The following TIAL1 variants were observed in gnomAD, a reference collection of about 807,000 sequenced individuals.
The protein encoded by TIAL1 is TIA1 cytotoxic granule associated RNA binding protein like 1, also known as nucleolysin TIAR.
A neutral mutation model predicts 59.7 loss-of-function variants in TIAL1; 7 were observed. That is an observed-to-expected ratio of 0.12 (90% CI 0.07 to 0.22). The LOEUF (loss-of-function observed/expected upper bound fraction) is 0.22, where lower values mean the gene tolerates loss of function less well. Among genes scored for constraint, TIAL1 ranks in the 10% least tolerant of loss-of-function variants. TIAL1 has a pLI of 1.00. For missense variants in TIAL1, 225 were observed against 462.5 expected (o/e 0.49, Z 4.71); for synonymous variants, 149 against 146.3 (o/e 1.02, Z -0.13).
intron 1 of TIAL1, among the ~76,000 whole-genome samples, chr10:119,590,036 G>A (rs1263376968): frequency 1.3e-5 from 2 of 152,292 alleles, no homozygotes; most frequent in East Asian, 3.9e-4. Context: ...AAAATAGACT[G>A]AGAAAGCTTA....
chr10:119,583,886 A>T (rs927580018), intron 2 of TIAL1, among the ~76,000 whole-genome samples: 14 of 152,254 alleles, frequency 9.2e-5, no homozygotes. Context: ...ATGAAAACAC[A>T]CATTTAAATT....
chr10:119,591,240 C>T (rs964056831), intron 1 of TIAL1, among the ~76,000 whole-genome samples: 1 of 151,914 alleles, frequency 6.6e-6, no homozygotes. Context: ...CCCGTCTCTA[C>T]TAAAAACACA....
chr10:119,590,819 A>AGAAG (rs1845844799), intron 1 of TIAL1, among the ~76,000 whole-genome samples: 3 of 150,858 alleles, frequency 2.0e-5, no homozygotes, highest in Non-Finnish European at 4.4e-5. Context: ...AAAGAAAGAA[A>AGAAG]GAAACGAACA....
chr10:119,592,761 T>TCACACACA (rs201563429), intron 1 of TIAL1, among the ~76,000 whole-genome samples: 5 of 111,588 alleles, frequency 4.5e-5, no homozygotes, highest in East Asian at 4.3e-4. Context: ...TATGAGATAT[T>TCACACACA]CTCACACACA....
chr10:119,592,084 T>A (rs1475637032), intron 1 of TIAL1: 1 of 152,214 alleles, frequency 6.6e-6, no homozygotes, highest in Admixed American at 6.5e-5. Context: ...ATAGTCAAGC[T>A]AAAGATCCAA....
intron 10 of TIAL1, 137 bp downstream of exon 10, chr10:119,576,943 A>G: frequency 7.4e-7 from 1 of 1,359,820 alleles, no homozygotes; most frequent in South Asian, 1.4e-5. Context: ...TTAATACCGC[A>G]AATAATCAAT....
At chr10:119,588,526 TAG>T (rs749000709) in intron 1 of TIAL1, among the ~76,000 whole-genome samples, 8 of 152,166 alleles carry the variant, frequency 5.3e-5, no homozygotes, top group Admixed American at 6.5e-5. Flanking sequence ...GTATTCTTAG[TAG>T]AGACAGGGTT....
intron 1 of TIAL1, 61 bp downstream of exon 1, chr10:119,596,373 C>A: frequency 6.3e-7 from 1 of 1,599,476 alleles, no homozygotes; most frequent in East Asian, 2.2e-5. Flanking sequence ...TGCTCCCTCC[C>A]TTAGCGTCCC....
chr10:119,592,045 C>T (rs1285571916), intron 1 of TIAL1: 1 of 152,196 alleles, frequency 6.6e-6, no homozygotes, highest in Non-Finnish European at 1.5e-5. Context: ...AGCTTCTACA[C>T]TTCACTTTCT....
chr10:119,592,475 G>T (rs538149458), intron 1 of TIAL1, among the ~76,000 whole-genome samples: 32 of 152,266 alleles, frequency 2.1e-4, no homozygotes, highest in South Asian at 4.1e-4. Flanking sequence ...GAAGACTAAT[G>T]ACACTTTTTC....
chr10:119,594,290 T>C (rs996281858), intron 1 of TIAL1, among the ~76,000 whole-genome samples: 3 of 152,062 alleles, frequency 2.0e-5, no homozygotes, highest in African/African-American at 7.2e-5. Context: ...GACAAAGAAG[T>C]TAGCTTATTA....
intron 1 of TIAL1, among the ~76,000 whole-genome samples, chr10:119,590,833 G>C (rs986927232): frequency 6.3e-5 from 9 of 142,906 alleles, no homozygotes; most frequent in Non-Finnish European, 1.3e-4. Context: ...ACGAACAAGT[G>C]ATCTTGAGCT....
intron 10 of TIAL1, 100 bp downstream of exon 10, chr10:119,576,980 C>T (rs949498686): frequency 4.1e-6 from 6 of 1,458,818 alleles, no homozygotes; most frequent in African/African-American, 2.8e-5. Flanking sequence ...CTGAAAGTAG[C>T]TATATGCTTT....
At position 119,575,387 on chromosome 10, in the gene TIAL1, A is replaced by G; in HGVS notation, c.*278T>C. On this transcript the variant is annotated 3_prime_UTR_variant, in exon 12 of 12. Transcript: ENST00000436547. ...TCAAAATGTATTAGCCATTTTTCCT[A>G]TTATATCAAAATTTGTAGTCAGAAT... The G allele has an allele frequency of 7.1e-6, 2 of 279,810 alleles. No homozygotes were observed. The highest frequency in any genetic ancestry group is 9.0e-5 in the South Asian group (2 of 22,172). The allele number at this position is 279,810 out of a possible 1,614,324, so 17.3% of individuals were successfully genotyped here. A position where few individuals can be genotyped will look rare whatever the true frequency, so the allele number is the denominator to read the frequency against.
In TIAL1 at chr10:119,585,122, CAAAAAAA is replaced by C. The variant is rs34500092; in HGVS notation, c.130-2572_130-2566del. Reference sequence around the variant, plus strand: ...TGGGCAAAAGAGCAAGATTCCATCTCAAAAAAAAAAAAAAAAAAAAAAAATCAATTAT... The same window carrying C: ...TGGGCAAAAGAGCAAGATTCCATCTCAAAAAAAAAAAAAAAAATCAATTAT... On this transcript the variant is annotated intron_variant, in intron 2 of 11. Coordinates refer to ENST00000436547, the MANE Select transcript of TIAL1 (RefSeq NM_003252.4). 9.8e-3 allele frequency among the ~76,000 whole-genome samples: 457 copies of C among 46,544 alleles called. 1 individual carries two copies. The highest frequency in any genetic ancestry group is 0.034 in the African/African-American group (428 of 12,448). The allele number at this position is 46,544 out of a possible 152,430, so 30.5% of individuals were successfully genotyped here. A position where few individuals can be genotyped will look rare whatever the true frequency, so the allele number is the denominator to read the frequency against.
In TIAL1 at chr10:119,582,785, GC is replaced by G. The variant is rs1405918634; in HGVS notation, c.130-229del. Reference sequence around the variant, plus strand: ...TATAAAAGCAGTTGTAGAATCATGAGCATCAGTATTAAATGAAAATAAAGAA... The same window carrying G: ...TATAAAAGCAGTTGTAGAATCATGAGATCAGTATTAAATGAAAATAAAGAA... On this transcript the variant is annotated intron_variant, in intron 2 of 11. Transcript: ENST00000436547. The surrounding 1 kb of genome is among the most constrained non-coding windows in gnomAD (Gnocchi z 5.1). Among the ~76,000 whole-genome samples, 1 of 152,074 alleles carries G rather than the reference GC, an allele frequency of 6.6e-6. No individual in the cohort carries two copies. The highest frequency in any genetic ancestry group is 2.4e-5 in the African/African-American group (1 of 41,438).
rs745572820 is a variant in TIAL1 at position 119,580,001 on chromosome 10, C to T, written c.381G>A (p.Arg127=). ...TTCCAGTTGCCATGTCTTTAACTAC[C>T]CGGGCATCCCTGTGAAAAGAAGCAC... The part of the protein sequence containing the change: ...FAPFGKISDA[R]VVKDMATGKS... The change falls in exon 6 of 12, where the codon CGG becomes CGA. Residue 127 remains arginine (R), a synonymous_variant. Transcript: ENST00000436547. 3 of 1,609,988 alleles carry T rather than the reference C, an allele frequency of 1.9e-6. No homozygotes were observed. Among genetic ancestry groups the T allele is most frequent in the Non-Finnish European group, 2.5e-6 (3 of 1,178,364 alleles).
At position 119,596,761 on chromosome 10, in the gene TIAL1, C is replaced by T; in HGVS notation, c.-296G>A. On this transcript the variant is annotated 5_prime_UTR_variant, in exon 1 of 12. Transcript: ENST00000436547. The stretch of plus-strand genomic sequence containing the variant: ...CGCTCAGGCCAGCCGCGACAGCCTG[C>T]AAGGGGGACGACCGAGGGGAGAGAA... 1 of 501,142 alleles carries T rather than the reference C, an allele frequency of 2.0e-6. No homozygotes were observed. The allele number at this position is 501,142 out of a possible 1,614,324, so 31.0% of individuals were successfully genotyped here.
intron 1 of TIAL1, among the ~76,000 whole-genome samples, chr10:119,595,836 G>A (rs910783863): frequency 6.6e-5 from 10 of 152,230 alleles, no homozygotes; most frequent in African/African-American, 2.4e-4. Context: ...TACTTCAAAA[G>A]TAGCGGGCGC....
Sources: allele counts gnomAD v4.1 joint callset (sites outside exome capture counted in the v4.1 genomes callset), GRCh38; gene constraint gnomAD v4.1.1; non-coding constraint Gnocchi (gnomAD v3.1); transcripts MANE v1.5; gene names NCBI Gene and HGNC (gene_info 2026-07-23, HGNC 2026-07-21).